The following MLLT3 variants were observed in gnomAD, a reference collection of about 807,000 sequenced individuals.
The protein encoded by MLLT3 is protein AF-9.
MLLT3 carries 4 observed loss-of-function variants against 53.2 expected under a neutral mutation model. The ratio of observed to expected loss-of-function variants is 0.08; its 90% CI spans 0.04 to 0.17. MLLT3 has a LOEUF of 0.17. Ranked by LOEUF, MLLT3 falls within the 10% of genes least tolerant of loss-of-function variation. The pLI is 1.00. For synonymous variants in MLLT3, 283 were observed against 230.6 expected (o/e 1.23, Z -2.06); for missense variants, 569 against 684.0 (o/e 0.83, Z 1.87).
Position 20,539,727 on chromosome 9 carries a change from CCT to C in MLLT3, c.193+80925_193+80926del, listed in dbSNP as rs201609577. 1.0e-3 allele frequency among the ~76,000 whole-genome samples: 158 copies of C among 152,244 alleles called. 2 individuals carry two copies. In the East Asian group the frequency reaches 0.025, roughly 24 times the overall value. ...CATAGCCAAACCATATCATTCTTCC[CCT>C]GACCCCTCCCAAATCTCATGACCTT... On this transcript the variant is annotated intron_variant, in intron 2 of 10. Coordinates refer to ENST00000380338, the MANE Select transcript of MLLT3 (RefSeq NM_004529.4).
At chr9:20,410,012 T>C (rs1563954635) in intron 5 of MLLT3, among the ~76,000 whole-genome samples, 1 of 152,196 alleles carries the variant, frequency 6.6e-6, no homozygotes, top group Admixed American at 6.5e-5. Context: ...AGCTGAAAGA[T>C]CTGAGACACT....
chr9:20,465,204 G>GA (rs931813922), intron 2 of MLLT3, among the ~76,000 whole-genome samples: 2 of 151,910 alleles, frequency 1.3e-5, no homozygotes, highest in East Asian at 1.9e-4. Flanking sequence ...AGTGTTGCAG[G>GA]AAAAAAATTA....
At chr9:20,615,550 T>C (rs1346943076) in intron 2 of MLLT3, among the ~76,000 whole-genome samples, 3 of 151,922 alleles carry the variant, frequency 2.0e-5, no homozygotes, top group East Asian at 3.8e-4. Flanking sequence ...ATTAAATAAG[T>C]TTTTATTAGC....
At chr9:20,522,119 CAA>C (rs1160825203) in intron 2 of MLLT3, among the ~76,000 whole-genome samples, 1 of 139,512 alleles carries the variant, frequency 7.2e-6, no homozygotes, top group Admixed American at 7.1e-5. Flanking sequence ...AGTTTTGATA[CAA>C]AAAAAAAATT....
At chr9:20,493,000 A>G (rs1347753579) in intron 2 of MLLT3, among the ~76,000 whole-genome samples, 2 of 151,956 alleles carry the variant, frequency 1.3e-5, no homozygotes, top group East Asian at 3.9e-4. Flanking sequence ...GTCAGTTTAC[A>G]GACTGAATTG....
intron 2 of MLLT3, among the ~76,000 whole-genome samples, chr9:20,552,510 TGTTGTTGTTATC>T (rs1287822773): frequency 2.2e-4 from 34 of 152,184 alleles, no homozygotes; most frequent in Non-Finnish European, 4.3e-4. Context: ...CTTCCCAGTT[TGTTGTTGTTATC>T]GTTGTTGTTG....
At chr9:20,469,902 T>C (rs992861185) in intron 2 of MLLT3, among the ~76,000 whole-genome samples, 3 of 152,036 alleles carry the variant, frequency 2.0e-5, no homozygotes, top group Non-Finnish European at 1.5e-5. Flanking sequence ...ATTAAAATCT[T>C]GCTGTCATAT....
At chr9:20,575,591 C>T (rs186096017) in intron 2 of MLLT3, among the ~76,000 whole-genome samples, 386 of 152,260 alleles carry the variant, frequency 2.5e-3, no homozygotes, top group Non-Finnish European at 3.5e-3. Context: ...ATAATAACTA[C>T]AGTAATTTCC....
chr9:20,546,545 TA>T (rs34702803), intron 2 of MLLT3, among the ~76,000 whole-genome samples: 16,079 of 145,294 alleles, frequency 0.11, 1,001 homozygotes, highest in African/African-American at 0.16. Context: ...ACCTATCACT[TA>T]AAAAAAAAAA....
intron 2 of MLLT3, among the ~76,000 whole-genome samples, chr9:20,476,318 G>C (rs1357221490): frequency 1.3e-5 from 2 of 152,082 alleles, no homozygotes; most frequent in Non-Finnish European, 2.9e-5. Flanking sequence ...GCAAGTTAGA[G>C]TGACCCAAAT....
intron 5 of MLLT3, among the ~76,000 whole-genome samples, chr9:20,377,866 G>C (rs1044876764): frequency 2.0e-5 from 3 of 151,986 alleles, no homozygotes; most frequent in African/African-American, 4.8e-5. Flanking sequence ...ATCTTCACCA[G>C]GTCAAAAATG....
intron 4 of MLLT3, among the ~76,000 whole-genome samples, chr9:20,427,410 TA>T (rs1294836430): frequency 6.7e-6 from 1 of 150,166 alleles, no homozygotes; most frequent in Admixed American, 6.6e-5. Context: ...TAAATATGAA[TA>T]AACTGCCATA....
rs2118863037 is a variant in MLLT3, at chr9:20,457,366, A to G, written c.194-580T>C. 2.0e-5 allele frequency among the ~76,000 whole-genome samples: 3 copies of G among 148,064 alleles called. No individual in the cohort carries two copies. The South Asian group carries it at 6.4e-4, about 31-fold the overall frequency. On this transcript the variant is annotated intron_variant, in intron 2 of 10. Transcript: ENST00000380338. Reference sequence around the variant, plus strand: ...CTGGTTCAAGCAATTCTCCTGCCTCAGCCTCCCGAGTTAGCTGGGATTACA... The same window carrying G: ...CTGGTTCAAGCAATTCTCCTGCCTCGGCCTCCCGAGTTAGCTGGGATTACA...
intron 5 of MLLT3, among the ~76,000 whole-genome samples, chr9:20,377,683 A>G (rs2118686845): frequency 6.6e-6 from 1 of 152,284 alleles, no homozygotes; most frequent in Admixed American, 6.5e-5. Context: ...TATTAATTTT[A>G]ATCTTTGGAC....
chr9:20,449,239 GA>G (rs1335171154), intron 3 of MLLT3, among the ~76,000 whole-genome samples: 1 of 152,168 alleles, frequency 6.6e-6, no homozygotes, highest in Non-Finnish European at 1.5e-5. Context: ...ATCAATGTTT[GA>G]ATCATCATTG....
Position 20,360,343 on chromosome 9 carries a change from A to T in MLLT3, c.1431+399T>A, listed in dbSNP as rs116057346. 5.9e-3 allele frequency among the ~76,000 whole-genome samples: 893 copies of T among 152,312 alleles called. 12 individuals carry two copies. The highest frequency in any genetic ancestry group is 0.021 in the African/African-American group (857 of 41,550). ...TAAGGAAACTGAGAATCAAAAGCTAAAAGTTAATTTCCCACCAGTAAATTA... is the reference window on the plus strand; with the variant it reads ...TAAGGAAACTGAGAATCAAAAGCTATAAGTTAATTTCCCACCAGTAAATTA... On this transcript the variant is annotated intron_variant, in intron 8 of 10. Coordinates refer to ENST00000380338, the MANE Select transcript of MLLT3 (RefSeq NM_004529.4).
At chr9:20,439,892 C>T (rs965898541) in intron 4 of MLLT3, among the ~76,000 whole-genome samples, 6 of 152,124 alleles carry the variant, frequency 3.9e-5, no homozygotes, top group Non-Finnish European at 7.4e-5. Context: ...AAAATTAACA[C>T]ATACTTATTT....
In MLLT3 at chr9:20,621,682, A is replaced by C. The variant is rs1032901520; in HGVS notation, c.12+563T>G. 6 of 1,299,792 alleles carry C rather than the reference A, an allele frequency of 4.6e-6. No homozygotes were observed. Among genetic ancestry groups the C allele is most frequent in the Non-Finnish European group, 6.2e-6 (6 of 971,384 alleles). 80.5% of individuals were successfully genotyped at this position (1,299,792 alleles called of 1,614,324 possible). ...CGCCGAGCCTCGGCTCGCGCTCAGCACCTCCCGGCGCTGGGGCAAAGTTGC... is the reference window on the plus strand; with the variant it reads ...CGCCGAGCCTCGGCTCGCGCTCAGCCCCTCCCGGCGCTGGGGCAAAGTTGC... On this transcript the variant is annotated intron_variant, in intron 1 of 10. Transcript: ENST00000380338. The surrounding 1 kb of genome is among the most constrained non-coding windows in gnomAD (Gnocchi z 7.0).
intron 2 of MLLT3, among the ~76,000 whole-genome samples, chr9:20,547,377 C>G (rs1421486568): frequency 1.3e-5 from 2 of 151,930 alleles, no homozygotes; most frequent in South Asian, 4.2e-4. Flanking sequence ...GGCATGGTGG[C>G]TCACGCCTGT....
Sources: allele counts gnomAD v4.1 joint callset (sites outside exome capture counted in the v4.1 genomes callset), GRCh38; gene constraint gnomAD v4.1.1; non-coding constraint Gnocchi (gnomAD v3.1); transcripts MANE v1.5; gene names NCBI Gene and HGNC (gene_info 2026-07-23, HGNC 2026-07-21).